Variants in CD4 observed in about 807,000 individuals in gnomAD.
CD4 encodes CD4 molecule.
CD4 carries 25 observed loss-of-function variants against 50.5 expected under a neutral mutation model. That is an observed-to-expected ratio of 0.49 (90% confidence interval 0.36 to 0.69). The LOEUF is 0.69. Among genes scored for constraint, CD4 ranks in the 30% least tolerant of loss-of-function variants. The pLI is 0.00. For synonymous variants in CD4, 207 were observed against 221.9 expected (o/e 0.93, Z 0.60); for missense variants, 456 against 548.5 (o/e 0.83, Z 1.68).
At position 6,812,769 on chromosome 12, in the gene CD4, TTTTGTGTG is replaced by T. The variant is rs1281900275; in HGVS notation, c.215-1371_215-1364del. 2.7e-3 allele frequency among the ~76,000 whole-genome samples: 87 copies of T among 32,318 alleles called. 1 individual carries two copies. Among genetic ancestry groups the T allele is most frequent in the African/African-American group, 6.6e-3 (67 of 10,134 alleles). The allele number at this position is 32,318 out of a possible 152,430, so 21.2% of individuals were successfully genotyped here. On this transcript the variant is annotated intron_variant, in intron 3 of 9. Coordinates refer to ENST00000011653, the MANE Select transcript of CD4 (RefSeq NM_000616.5). ...TCTTCCTAGAGGCAACCAAGGTTATTTTTGTGTGTGTGTGTGTGTGTGTGTGTGTGTGT... is the reference window on the plus strand; with the variant it reads ...TCTTCCTAGAGGCAACCAAGGTTATTTGTGTGTGTGTGTGTGTGTGTGTGT...
At chr12:6,817,743 G>A (rs782256890) in intron 7 of CD4, among the ~76,000 whole-genome samples, 109 of 131,216 alleles carry the variant, frequency 8.3e-4, no homozygotes, top group Middle Eastern at 5.3e-3. Flanking sequence ...TCACACACTC[G>A]CACACACTCA....
intron 1 of CD4, among the ~76,000 whole-genome samples, chr12:6,797,512 C>A (rs1942407092): frequency 6.6e-6 from 1 of 152,092 alleles, no homozygotes. Context: ...AAAGTGGGCC[C>A]AGGGGACCGG....
intron 1 of CD4, among the ~76,000 whole-genome samples, chr12:6,793,012 A>G (rs1942213213): frequency 6.6e-6 from 1 of 152,160 alleles, no homozygotes; most frequent in Admixed American, 6.5e-5. Flanking sequence ...TTGAGGGACC[A>G]GAGAGCCCTC....
intron 1 of CD4, among the ~76,000 whole-genome samples, chr12:6,798,168 TTTTC>T (rs1394959270): frequency 6.6e-6 from 1 of 151,154 alleles, no homozygotes; most frequent in East Asian, 1.9e-4. Context: ...CTGCAAGAAC[TTTTC>T]TTTTTTTTTT....
At chr12:6,801,352 A>G (rs1443507295) in intron 3 of CD4, among the ~76,000 whole-genome samples, 17 of 150,300 alleles carry the variant, frequency 1.1e-4, no homozygotes, top group African/African-American at 4.1e-4. Flanking sequence ...CCCGGTCTCT[A>G]CTAAAAATAC....
At chr12:6,807,031 G>A (rs1306866031) in intron 3 of CD4, among the ~76,000 whole-genome samples, 2 of 152,130 alleles carry the variant, frequency 1.3e-5, no homozygotes, top group African/African-American at 4.8e-5. Flanking sequence ...GCCGGGCGTG[G>A]TGGCGGGCGC....
rs1942184735 is a variant in CD4, at chr12:6,792,293, G to T, written c.-68+2631G>T. Among the ~76,000 whole-genome samples, 2 of 152,234 alleles carry T rather than the reference G, an allele frequency of 1.3e-5. No homozygotes were observed. Among genetic ancestry groups the T allele is most frequent in the African/African-American group, 2.4e-5 (1 of 41,540 alleles). On this transcript the variant is annotated intron_variant, in intron 1 of 9. Coordinates refer to ENST00000011653, the MANE Select transcript of CD4 (RefSeq NM_000616.5). The surrounding 1 kb of genome is among the most constrained non-coding windows in gnomAD (Gnocchi z 4.1). ...CTCATCCCATCCCTGGGGGCCAGGG[G>T]TGAGGGCGGCAGGAACCTCAAGGCT... is the stretch of plus-strand genomic sequence containing the variant.
At chr12:6,806,038 G>A (rs1413144481) in intron 3 of CD4, among the ~76,000 whole-genome samples, 2 of 150,536 alleles carry the variant, frequency 1.3e-5, no homozygotes, top group African/African-American at 2.4e-5. Context: ...GTGGCTCACC[G>A]CTGTAATCCC....
intron 3 of CD4, 35 bp from the exon 4 acceptor site, chr12:6,814,107 G>T: frequency 6.3e-7 from 1 of 1,592,040 alleles, no homozygotes; most frequent in Non-Finnish European, 8.6e-7. Context: ...TCTCCAGGGC[G>T]CCTCAGTCCC....
chr12:6,802,664 GATATC>G (rs782239427), intron 3 of CD4, among the ~76,000 whole-genome samples: 14 of 152,108 alleles, frequency 9.2e-5, no homozygotes, highest in South Asian at 2.1e-4. Context: ...TTACGTAAAT[GATATC>G]ATACTGTATA....
At chr12:6,795,098 CTCTATCTATCTATCTA>C (rs10667545) in intron 1 of CD4, among the ~76,000 whole-genome samples, 2 of 147,104 alleles carry the variant, frequency 1.4e-5, no homozygotes, top group Admixed American at 6.8e-5. Context: ...AAATGTCTGT[CTCTATCTATCTATCTA>C]TCTATCTATC....
chr12:6,814,562 G>A (rs1943035595), intron 4 of CD4, 197 bp from the exon 5 acceptor site: 2 of 680,632 alleles, frequency 2.9e-6, no homozygotes. Context: ...GGGGAAGAGA[G>A]GATGAGGGGA....
chr12:6,815,626 A>G (rs1478551111), intron 5 of CD4: 15 of 883,410 alleles, frequency 1.7e-5, no homozygotes, highest in Non-Finnish European at 1.3e-5. Context: ...TAACTGCCAT[A>G]GTGACTACCT....
intron 3 of CD4, among the ~76,000 whole-genome samples, chr12:6,802,821 C>T (rs1205002930): frequency 1.3e-5 from 2 of 152,142 alleles, no homozygotes; most frequent in Admixed American, 6.6e-5. Flanking sequence ...GCTGCAACCT[C>T]TGCCTCCCAG....
At position 6,816,417 on chromosome 12, in the gene CD4, C is replaced by T. The variant is rs1195803829; in HGVS notation, c.955+14C>T. 1.9e-6 allele frequency: 3 copies of T among 1,594,368 alleles called. No homozygotes were observed. The East Asian group carries it at 6.7e-5, about 36-fold the overall frequency. On this transcript the variant is annotated intron_variant, in intron 6 of 9. Coordinates refer to ENST00000011653, the MANE Select transcript of CD4 (RefSeq NM_000616.5). This position sits in a 1 kb window ranked among gnomAD's most constrained non-coding sequence, Gnocchi z 4.9. ...TGGTGATGAGAGGTGAGGGGCCAGGCCAGGGAGGGGTGGGCAGGGGAAGGA... is the reference window on the plus strand; with the variant it reads ...TGGTGATGAGAGGTGAGGGGCCAGGTCAGGGAGGGGTGGGCAGGGGAAGGA...
In CD4 at chr12:6,796,343, CA is replaced by C. The variant is rs1437266367; in HGVS notation, c.-67-3726del. On this transcript the variant is annotated intron_variant, in intron 1 of 9. Coordinates refer to ENST00000011653, the MANE Select transcript of CD4 (RefSeq NM_000616.5). ...GCAGATCGTCACCAAGCTTCAACGG[CA>C]AAGATGCCACTGGGGGAAAGAAGGA... Among the ~76,000 whole-genome samples, 5 of 152,186 alleles carry C rather than the reference CA, an allele frequency of 3.3e-5. 1 individual carries two copies. The highest frequency in any genetic ancestry group is 3.3e-4 in the Admixed American group (5 of 15,282).
At chr12:6,799,357 G>A (rs1894290) in intron 1 of CD4, 101,459 of 151,846 alleles carry the variant, frequency 0.67, 34,304 homozygotes, top group African/African-American at 0.78. Context: ...GTGCCTTTTG[G>A]TTGACAGGTG....
chr12:6,816,345 GGCCCTTGAAGCGAAAAC>G lies in CD4; in HGVS notation c.898_914del (p.Ala300ArgfsTer24), dbSNP rs1555117947. ...ATGCTGGCTCTGGAAACCTCACCCT[GGCCCTTGAAGCGAAAAC>G]AGGAAAGTTGCATCAGGAAGTGAAC... On this transcript the variant is annotated frameshift_variant, in exon 6 of 10. Coordinates refer to ENST00000011653, the MANE Select transcript of CD4 (RefSeq NM_000616.5). LOFTEE classifies it high-confidence loss of function. This position sits in a 1 kb window ranked among gnomAD's most constrained non-coding sequence, Gnocchi z 4.9. The G allele has an allele frequency of 6.2e-7, 1 of 1,614,110 alleles. No individual in the cohort carries two copies. The highest frequency in any genetic ancestry group is 8.5e-7 in the Non-Finnish European group (1 of 1,180,040).
chr12:6,814,883 G>A lies in CD4; in HGVS notation c.498G>A (p.Gly166=), dbSNP rs267603648. 6.2e-7 allele frequency: 1 copy of A among 1,613,498 alleles called. No homozygotes were observed. Among genetic ancestry groups the A allele is most frequent in the South Asian group, 1.1e-5 (1 of 91,066 alleles). The change falls in exon 5 of 10, where the codon GGG becomes GGA. Residue 166 remains glycine (G), a synonymous_variant. Transcript: ENST00000011653. ...RSPRGKNIQG[G]KTLSVSQLEL... is the part of the protein sequence containing the mutation. ...CAAGGGGTAAAAACATACAGGGGGG[G>A]AAGACCCTCTCCGTGTCTCAGCTGG...
Sources: gnomAD v4.1 joint callset for allele counts (sites outside exome capture counted in the v4.1 genomes callset) on GRCh38, gnomAD v4.1.1 for gene constraint, Gnocchi (gnomAD v3.1) non-coding constraint, MANE v1.5 for transcripts, NCBI Gene and HGNC (gene_info 2026-07-23, HGNC 2026-07-21) for gene names.